Variants in SPEF2 observed in about 807,000 individuals in gnomAD.
SPEF2 encodes the protein sperm flagellar and cilia associated 2, also known as sperm flagella and cilia-associated protein 2.
SPEF2 carries 187 observed loss-of-function variants against 224.6 expected under a neutral mutation model. That is an observed-to-expected ratio of 0.83 (90% CI 0.74 to 0.94). The LOEUF (loss-of-function observed/expected upper bound fraction) is 0.94. SPEF2 is among the 40% of genes least tolerant of loss of function. The pLI is 0.00. For synonymous variants in SPEF2, 715 were observed against 707.3 expected (o/e 1.01, Z -0.17); for missense variants, 2,170 against 2,135.6 (o/e 1.02, Z -0.32).
intron 30 of SPEF2, among the ~76,000 whole-genome samples, chr5:35,783,281 T>C (rs1357222291): frequency 6.6e-6 from 1 of 152,220 alleles, no homozygotes; most frequent in Non-Finnish European, 1.5e-5. Context: ...CAGTTCTTTC[T>C]CAAGTTCACC....
At chr5:35,790,264 A>G in intron 30 of SPEF2, 1 of 635,118 alleles carries the variant, frequency 1.6e-6, no homozygotes, top group East Asian at 2.7e-5. Context: ...AATAATTTTG[A>G]CCCTAGGAAA....
At chr5:35,730,454 A>G (rs1430895873) in intron 21 of SPEF2, among the ~76,000 whole-genome samples, 1 of 152,226 alleles carries the variant, frequency 6.6e-6, no homozygotes, top group Non-Finnish European at 1.5e-5. Context: ...AACTGGGCCC[A>G]GGGGCCACAG....
intron 1 of SPEF2, 35 bp downstream of exon 1, chr5:35,618,090 G>A (rs762796836): frequency 4.5e-6 from 7 of 1,561,618 alleles, no homozygotes; most frequent in Non-Finnish European, 5.2e-6. Context: ...GCGTCTGAGG[G>A]GCTAGCGGGG....
At chr5:35,729,688 C>T (rs1295523312) in intron 21 of SPEF2, among the ~76,000 whole-genome samples, 1 of 152,102 alleles carries the variant, frequency 6.6e-6, no homozygotes, top group African/African-American at 2.4e-5. Flanking sequence ...GTGTCCCTAC[C>T]CAAATCTCAA....
chr5:35,644,455 A>G lies in SPEF2; in HGVS notation c.515A>G (p.His172Arg), dbSNP rs749507709. 5.6e-6 allele frequency: 9 copies of G among 1,610,912 alleles called. No individual in the cohort carries two copies. The East Asian group carries it at 6.7e-5, about 12-fold the overall frequency. ...KYKHVKEDLA[H>R]LHFEKLERFQ... ...AAACACGTGAAAGAAGATCTTGCCC[A>G]TTTGCATTTTGAGAAACTTGAAAGA... Residue 172 changes from histidine to arginine, a missense_variant, in exon 4 of 37, where the codon CAT (histidine) becomes CGT (arginine). His to Arg is a conservative substitution (Grantham distance 29, BLOSUM62 0). Transcript: ENST00000356031.
At chr5:35,722,503 C>CT (rs35721818) in intron 20 of SPEF2, among the ~76,000 whole-genome samples, 1 of 145,574 alleles carries the variant, frequency 6.9e-6, no homozygotes. Flanking sequence ...TATTATTATA[C>CT]TTTAAGTTTT....
intron 5 of SPEF2, 143 bp from the exon 6 acceptor site, chr5:35,649,218 A>T (rs182621586): frequency 3.1e-6 from 2 of 635,552 alleles, no homozygotes; most frequent in Non-Finnish European, 5.1e-6. Flanking sequence ...AATTATAAAA[A>T]AAATTTTTAG....
chr5:35,806,989 T>C, intron 35 of SPEF2, 37 bp downstream of exon 35: 1 of 1,575,572 alleles, frequency 6.3e-7, no homozygotes, highest in Non-Finnish European at 8.6e-7. Flanking sequence ...TGGCCTCAAT[T>C]CTGAGCATAT....
In SPEF2 at chr5:35,655,719, G is replaced by A. The variant is rs1172275401; in HGVS notation, c.978+993G>A. 3.3e-5 allele frequency among the ~76,000 whole-genome samples: 5 copies of A among 152,216 alleles called. No homozygotes were observed. The East Asian group carries it at 9.6e-4, about 29-fold the overall frequency. On this transcript the variant is annotated intron_variant, in intron 7 of 36. Transcript: ENST00000356031. Reference sequence around the variant, plus strand: ...GGGAATATCACATGGAAAGCTCAGTGTTTTTAGCTAACTGAAAGTCATGCC... The same window carrying A: ...GGGAATATCACATGGAAAGCTCAGTATTTTTAGCTAACTGAAAGTCATGCC...
intron 23 of SPEF2, among the ~76,000 whole-genome samples, chr5:35,741,549 G>A (rs770306277): frequency 2.0e-5 from 3 of 152,166 alleles, no homozygotes; most frequent in Non-Finnish European, 4.4e-5. Flanking sequence ...GTTATTATGA[G>A]AATATAGCTA....
chr5:35,621,272 A>G (rs1490312235), intron 1 of SPEF2, among the ~76,000 whole-genome samples: 1 of 152,198 alleles, frequency 6.6e-6, no homozygotes, highest in African/African-American at 2.4e-5. Context: ...GTTATCACTT[A>G]TTGAGCATTT....
intron 23 of SPEF2, among the ~76,000 whole-genome samples, chr5:35,747,317 A>C (rs1748696570): frequency 6.6e-6 from 1 of 152,232 alleles, no homozygotes; most frequent in East Asian, 1.9e-4. Flanking sequence ...GAGCATGATG[A>C]ATGCAATGGT....
At chr5:35,627,470 A>G (rs1282666680) in intron 1 of SPEF2, among the ~76,000 whole-genome samples, 1 of 151,966 alleles carries the variant, frequency 6.6e-6, no homozygotes, top group Non-Finnish European at 1.5e-5. Flanking sequence ...GTGTGGTGGC[A>G]CACACCTGTA....
At chr5:35,708,127 G>A (rs1740187423) in intron 18 of SPEF2, among the ~76,000 whole-genome samples, 1 of 152,088 alleles carries the variant, frequency 6.6e-6, no homozygotes, top group Non-Finnish European at 1.5e-5. Context: ...AGAAATAGTA[G>A]TAGTTTTACT....
chr5:35,811,713 A>ACT (rs1188983809), intron 36 of SPEF2, among the ~76,000 whole-genome samples: 1 of 151,686 alleles, frequency 6.6e-6, no homozygotes, highest in African/African-American at 2.4e-5. Context: ...TATATGAGAT[A>ACT]CTACTACTAC....
At chr5:35,710,188 C>T (rs541121776) in intron 19 of SPEF2, 255 of 984,468 alleles carry the variant, frequency 2.6e-4, no homozygotes, top group Middle Eastern at 1.0e-3. Flanking sequence ...ACCCTTTTCC[C>T]GCTGTCTCAT....
intron 12 of SPEF2, among the ~76,000 whole-genome samples, chr5:35,693,907 A>T (rs981478696): frequency 6.6e-6 from 1 of 152,188 alleles, no homozygotes; most frequent in Admixed American, 6.5e-5. Context: ...ATGTACATTT[A>T]AAAAAATTAC....
intron 34 of SPEF2, among the ~76,000 whole-genome samples, chr5:35,804,716 T>A (rs57186765): frequency 0.32 from 48,281 of 151,578 alleles, 8,296 homozygotes; most frequent in African/African-American, 0.44. Context: ...TCTTAAATTT[T>A]AAAAAAAAAT....
intron 19 of SPEF2, chr5:35,710,527 A>T (rs1740893924): frequency 1.0e-6 from 1 of 956,134 alleles, no homozygotes; most frequent in African/African-American, 1.8e-5. Context: ...ACTGCACTCT[A>T]GCCTGGGGGA....
Sources: gnomAD v4.1 joint callset for allele counts (sites outside exome capture counted in the v4.1 genomes callset) on GRCh38, gnomAD v4.1.1 for gene constraint, MANE v1.5 for transcripts, NCBI Gene and HGNC (gene_info 2026-07-23, HGNC 2026-07-21) for gene names.